The following CHRNA2 variants were observed in gnomAD, a reference collection of about 807,000 sequenced individuals.
CHRNA2 encodes the protein neuronal acetylcholine receptor subunit alpha-2.
In CHRNA2, 40 loss-of-function variants were observed where a neutral mutation model predicts 45.5. The observed-to-expected ratio is 0.88, with a 90% CI of 0.68 to 1.15. CHRNA2 has a LOEUF of 1.15. Ranked by LOEUF, CHRNA2 falls within the 50% of genes most tolerant of loss-of-function variation. The pLI, the probability that CHRNA2 is intolerant of heterozygous loss-of-function variation, is 0.00. For synonymous variants in CHRNA2, 301 were observed against 296.7 expected, an observed-to-expected ratio of 1.01 and a Z score of -0.15; for missense variants, 655 against 701.7, an observed-to-expected ratio of 0.93 and a Z score of 0.75.
chr8:27,474,049 G>T (rs929925803), intron 1 of CHRNA2, among the ~76,000 whole-genome samples: 12 of 152,276 alleles, frequency 7.9e-5, no homozygotes, highest in African/African-American at 2.9e-4. Flanking sequence ...TGCCCTGTGG[G>T]AGGAGTGACG....
At chr8:27,469,671 G>A in intron 3 of CHRNA2, 90 bp downstream of exon 3, 2 of 1,497,130 alleles carry the variant, frequency 1.3e-6, no homozygotes, top group East Asian at 2.3e-5. Flanking sequence ...GTGCGTGAGG[G>A]CAGGGCTGGG....
At chr8:27,464,044 G>A in intron 5 of CHRNA2, 51 bp from the exon 6 acceptor site, 2 of 1,603,942 alleles carry the variant, frequency 1.2e-6, no homozygotes, top group Non-Finnish European at 1.7e-6. Context: ...ACCTGCCTGA[G>A]CCAGGCTACT....
rs116051508 is a variant in CHRNA2, at chr8:27,475,796, G to C, written c.-137+3028C>G. Among the ~76,000 whole-genome samples, 1,386 of 152,308 alleles carry C rather than the reference G, an allele frequency of 9.1e-3. 18 individuals carry two copies. Among genetic ancestry groups the C allele is most frequent in the African/African-American group, 0.031 (1,305 of 41,564 alleles). ...CTTAGGGCTGAGGCCTAGGAAATGG[G>C]ATCGCTACATTGATCTGAAAGGTCA... On this transcript the variant is annotated intron_variant, in intron 1 of 6. Coordinates refer to ENST00000407991, the MANE Select transcript of CHRNA2 (RefSeq NM_000742.4).
intron 1 of CHRNA2, among the ~76,000 whole-genome samples, chr8:27,473,067 TA>T (rs1220885538): frequency 6.6e-6 from 1 of 151,962 alleles, no homozygotes; most frequent in South Asian, 2.1e-4. Flanking sequence ...GTATTTGATT[TA>T]AAAAATATAT....
chr8:27,469,125 C>T (rs2132665322), intron 4 of CHRNA2, among the ~76,000 whole-genome samples: 1 of 152,310 alleles, frequency 6.6e-6, no homozygotes, highest in Admixed American at 6.5e-5. Flanking sequence ...AGGCTATGTT[C>T]TCAGGCACTA....
chr8:27,461,703 A>T lies in CHRNA2; in HGVS notation c.1516T>A (p.Trp506Arg), dbSNP rs1012797739. Reference protein sequence around the residue: ...VAMVIDRIFLWLFIIVCFLGT... With the variant: ...VAMVIDRIFLRLFIIVCFLGT... Reference sequence around the variant, plus strand: ...AGGAAGCAGACGATGATAAACAGCCAGAGGAAGATCCTGTCGATGACCATG... The same window carrying T: ...AGGAAGCAGACGATGATAAACAGCCTGAGGAAGATCCTGTCGATGACCATG... Residue 506 changes from tryptophan to arginine, a missense_variant, in exon 7 of 7, where the codon TGG (tryptophan) becomes AGG (arginine). Trp to Arg is a moderately radical substitution (Grantham distance 101). Around this residue, in one of 3 missense-constraint regions of CHRNA2, gnomAD observed 295 missense variants for 280.4 expected, o/e 1.05. Coordinates refer to ENST00000407991, the MANE Select transcript of CHRNA2 (RefSeq NM_000742.4). 3.7e-6 allele frequency: 6 copies of T among 1,614,152 alleles called. No homozygotes were observed. The highest frequency in any genetic ancestry group is 5.1e-6 in the Non-Finnish European group (6 of 1,180,050).
intron 5 of CHRNA2, among the ~76,000 whole-genome samples, chr8:27,464,729 C>T (rs925125169): frequency 2.0e-5 from 3 of 152,178 alleles, no homozygotes; most frequent in African/African-American, 7.2e-5. Context: ...CATCCTTGCT[C>T]AGAAGAGACC....
At chr8:27,470,169 G>A (rs1047888843) in intron 2 of CHRNA2, 188 bp from the exon 3 acceptor site, 30 of 665,364 alleles carry the variant, frequency 4.5e-5, no homozygotes, top group Non-Finnish European at 6.9e-5. Context: ...GTTTTGTGAT[G>A]TTAGAGAAGA....
Position 27,478,909 on chromosome 8 carries a change from C to A in CHRNA2, c.-222G>T, listed in dbSNP as rs1813141554. The A allele has an allele frequency of 6.6e-6, 1 of 152,060 alleles. No individual in the cohort carries two copies. Among genetic ancestry groups the A allele is most frequent in the Admixed American group, 6.6e-5 (1 of 15,262 alleles). 9.4% of individuals were successfully genotyped at this position (152,060 alleles called of 1,614,324 possible). On this transcript the variant is annotated 5_prime_UTR_variant, in exon 1 of 7. Coordinates refer to ENST00000407991, the MANE Select transcript of CHRNA2 (RefSeq NM_000742.4). ...ATTCTGGGCAGCTGACAAAAGTCACCCCAGAAATAGAGTGGCAGGTACAGA... is the reference window on the plus strand; with the variant it reads ...ATTCTGGGCAGCTGACAAAAGTCACACCAGAAATAGAGTGGCAGGTACAGA...
intron 6 of CHRNA2, among the ~76,000 whole-genome samples, chr8:27,462,512 T>C (rs1812527403): frequency 6.6e-6 from 1 of 151,432 alleles, no homozygotes; most frequent in South Asian, 2.1e-4. Flanking sequence ...GGTTGAAGAG[T>C]GAAGTTTGCA....
At position 27,467,148 on chromosome 8, in the gene CHRNA2, G is replaced by A. The variant is rs573914101; in HGVS notation, c.449+81C>T. 3.8e-6 allele frequency: 4 copies of A among 1,055,624 alleles called. No individual in the cohort carries two copies. In the Admixed American group the frequency reaches 5.3e-5, roughly 14 times the overall value. The allele number at this position is 1,055,624 out of a possible 1,614,324, so 65.4% of individuals were successfully genotyped here. On this transcript the variant is annotated intron_variant, in intron 5 of 6. Coordinates refer to ENST00000407991, the MANE Select transcript of CHRNA2 (RefSeq NM_000742.4). ...AAGGAGGCGAGGAAGCTGACACCAG[G>A]GGGGCCCCTCCCAAGGCCATGGACC... is the stretch of plus-strand genomic sequence containing the variant.
In CHRNA2 at chr8:27,472,008, G is replaced by A. The variant is rs1430869087; in HGVS notation, c.-136-814C>T. Among the ~76,000 whole-genome samples, 5 of 152,172 alleles carry A rather than the reference G, an allele frequency of 3.3e-5. No individual in the cohort carries two copies. The East Asian group carries it at 5.8e-4, about 18-fold the overall frequency. ...CCAATGGCCACTGGATTAATCAATC[G>A]TGCTGCATAATGAGGCCTCCATAAA... is the stretch of plus-strand genomic sequence containing the variant. On this transcript the variant is annotated intron_variant, in intron 1 of 6. Transcript: ENST00000407991.
chr8:27,464,305 TTATA>T (rs201935612), intron 5 of CHRNA2, among the ~76,000 whole-genome samples: 1 of 152,170 alleles, frequency 6.6e-6, no homozygotes, highest in Non-Finnish European at 1.5e-5. Context: ...TGTAAAACGA[TTATA>T]TATACATAAT....
chr8:27,472,817 C>CA (rs1204878408), intron 1 of CHRNA2, among the ~76,000 whole-genome samples: 4 of 151,874 alleles, frequency 2.6e-5, no homozygotes, highest in African/African-American at 4.8e-5. Context: ...GAATTTATCT[C>CA]AAAAAAAGTT....
At position 27,476,772 on chromosome 8, in the gene CHRNA2, G is replaced by A. The variant is rs936555959; in HGVS notation, c.-137+2052C>T. Among the ~76,000 whole-genome samples the A allele has an allele frequency of 1.2e-4, 18 of 152,164 alleles. No individual in the cohort carries two copies. In the South Asian group the frequency reaches 1.5e-3, roughly 12 times the overall value. ...TGCTTATGTCTACTTTCATACAGGC[G>A]TGAAGTTTTTACTAGATATTAGAAC... On this transcript the variant is annotated intron_variant, in intron 1 of 6. Transcript: ENST00000407991.
rs1262745996 is a variant in CHRNA2 at position 27,463,695 on chromosome 8, C to T, written c.748G>A (p.Glu250Lys). Residue 250 changes from glutamate to lysine, a missense_variant, in exon 6 of 7, where the codon GAG (glutamate) becomes AAG (lysine). Coordinates refer to ENST00000407991, the MANE Select transcript of CHRNA2 (RefSeq NM_000742.4). This position sits in a 1 kb window ranked among gnomAD's most constrained non-coding sequence, Gnocchi z 6.1. ...YNSKKYDCCAEIYPDVTYAFV... is the reference protein window; with the variant it reads ...YNSKKYDCCAKIYPDVTYAFV... ...GCGTAGGTGACGTCGGGGTAGATCT[C>T]GGCGCAGCAGTCGTACTTCTTGCTG... is the stretch of plus-strand genomic sequence containing the variant. 6 of 1,613,830 alleles carry T rather than the reference C, an allele frequency of 3.7e-6. No homozygotes were observed. The African/African-American group carries it at 4.0e-5, about 11-fold the overall frequency.
intron 1 of CHRNA2, among the ~76,000 whole-genome samples, chr8:27,474,425 T>C (rs945627636): frequency 1.3e-5 from 2 of 152,224 alleles, no homozygotes; most frequent in African/African-American, 2.4e-5. Flanking sequence ...TTATCCTCCA[T>C]GCCACCCTAC....
Position 27,463,184 on chromosome 8 carries a change from T to G in CHRNA2, c.1259A>C (p.Glu420Ala), listed in dbSNP as rs1409646902. ...AEEREVVVEE[E>A]DRWACAGHVA... ...ATGACCTGCACATGCCCATCTGTCCTCCTCCTCCACCACCACCTCCCTCTC... is the reference window on the plus strand; with the variant it reads ...ATGACCTGCACATGCCCATCTGTCCGCCTCCTCCACCACCACCTCCCTCTC... The change falls in exon 6 of 7, where the codon GAG (glutamate) becomes GCG (alanine). Residue 420 changes from glutamate (E) to alanine (A), a missense_variant. Coordinates refer to ENST00000407991, the MANE Select transcript of CHRNA2 (RefSeq NM_000742.4). The surrounding 1 kb of genome is among the most constrained non-coding windows in gnomAD (Gnocchi z 6.1). 1 of 1,592,284 alleles carries G rather than the reference T, an allele frequency of 6.3e-7. No individual in the cohort carries two copies. The highest frequency in any genetic ancestry group is 8.6e-7 in the Non-Finnish European group (1 of 1,165,934).
intron 5 of CHRNA2, among the ~76,000 whole-genome samples, chr8:27,464,702 C>A (rs766827027): frequency 7.0e-6 from 1 of 143,772 alleles, no homozygotes; most frequent in Non-Finnish European, 1.5e-5. Flanking sequence ...GGAGGGCGAT[C>A]CCTTTCCACC....
Sources: allele counts gnomAD v4.1 joint callset (sites outside exome capture counted in the v4.1 genomes callset), GRCh38; gene constraint gnomAD v4.1.1; regional missense constraint gnomAD v4.1.1; non-coding constraint Gnocchi (gnomAD v3.1); transcripts MANE v1.5; gene names NCBI Gene and HGNC (gene_info 2026-07-23, HGNC 2026-07-21).